Variants in KHDRBS3 observed in about 807,000 individuals in gnomAD.
KHDRBS3 encodes KH RNA binding domain containing, signal transduction associated 3.
In KHDRBS3, 23 loss-of-function variants were observed where a neutral mutation model predicts 45.6. The ratio of observed to expected loss-of-function variants is 0.50; its 90% CI spans 0.36 to 0.72. The LOEUF (loss-of-function observed/expected upper bound fraction) is 0.72. Ranked by LOEUF, KHDRBS3 falls within the 30% of genes least tolerant of loss-of-function variation. The pLI is 0.00. For synonymous variants in KHDRBS3, 162 were observed against 156.5 expected, an observed-to-expected ratio of 1.04 and a Z score of -0.26; for missense variants, 352 against 424.8, an observed-to-expected ratio of 0.83 and a Z score of 1.51.
intron 3 of KHDRBS3, among the ~76,000 whole-genome samples, chr8:135,545,770 C>A (rs1826271608): frequency 6.6e-6 from 1 of 152,126 alleles, no homozygotes; most frequent in African/African-American, 2.4e-5. Flanking sequence ...GTCACATGAT[C>A]CATCAGTCAT....
chr8:135,600,181 T>G (rs1173362984), intron 6 of KHDRBS3, among the ~76,000 whole-genome samples: 4 of 152,234 alleles, frequency 2.6e-5, no homozygotes, highest in Admixed American at 2.6e-4. Context: ...TGGTTAATCT[T>G]CCCCTATTGT....
At chr8:135,646,572 C>T (rs911218724) in intron 8 of KHDRBS3, among the ~76,000 whole-genome samples, 1 of 152,114 alleles carries the variant, frequency 6.6e-6, no homozygotes, top group Non-Finnish European at 1.5e-5. Flanking sequence ...CAGATGTTTA[C>T]CTATGTTTTT....
intron 3 of KHDRBS3, among the ~76,000 whole-genome samples, chr8:135,547,463 T>C (rs1210578866): frequency 6.6e-6 from 1 of 152,198 alleles, no homozygotes; most frequent in African/African-American, 2.4e-5. Context: ...AGTATTGGAT[T>C]ACATACAGTC....
intron 7 of KHDRBS3, chr8:135,625,119 G>C (rs1381374860): frequency 1.1e-6 from 1 of 916,820 alleles, no homozygotes; most frequent in East Asian, 2.5e-5. Context: ...ATAAAAGGGA[G>C]TATTTTACAG....
intron 5 of KHDRBS3, among the ~76,000 whole-genome samples, chr8:135,561,991 G>C (rs2130851100): frequency 6.6e-6 from 1 of 152,058 alleles, no homozygotes; most frequent in African/African-American, 2.4e-5. Context: ...AAAAAAAAAA[G>C]TTAAAAGTTG....
chr8:135,618,184 T>G (rs1829994856), intron 7 of KHDRBS3, among the ~76,000 whole-genome samples: 1 of 152,228 alleles, frequency 6.6e-6, no homozygotes, highest in African/African-American at 2.4e-5. Flanking sequence ...AGCCAATATT[T>G]TTGCAATAAG....
chr8:135,498,679 G>A (rs1304672895), intron 1 of KHDRBS3, among the ~76,000 whole-genome samples: 1 of 152,084 alleles, frequency 6.6e-6, no homozygotes, highest in Non-Finnish European at 1.5e-5. Flanking sequence ...ATGGTTTCAA[G>A]TAATGGTGAA....
In KHDRBS3 at chr8:135,580,852, A is replaced by G. The variant is rs575919671; in HGVS notation, c.612-1026A>G. On this transcript the variant is annotated intron_variant, in intron 5 of 8. Transcript: ENST00000355849. ...GGTCTTGAACTCTTGGCCTCAGGTG[A>G]TCCACCTGCCTTGGCCTCCCAAAGT... is the stretch of plus-strand genomic sequence containing the variant. 2.8e-3 allele frequency among the ~76,000 whole-genome samples: 423 copies of G among 152,142 alleles called. 2 individuals carry two copies. The highest frequency in any genetic ancestry group is 0.017 in the Middle Eastern group (5 of 294).
At chr8:135,491,406 CA>C (rs111902256) in intron 1 of KHDRBS3, among the ~76,000 whole-genome samples, 23 of 148,278 alleles carry the variant, frequency 1.6e-4, no homozygotes, top group African/African-American at 4.0e-4. Flanking sequence ...GCCCCCACAC[CA>C]AAAAAAAGGA....
chr8:135,557,527 C>T lies in KHDRBS3; in HGVS notation c.551C>T (p.Pro184Leu), dbSNP rs757336007. The T allele has an allele frequency of 8.7e-6, 14 of 1,610,652 alleles. No individual in the cohort carries two copies. Among genetic ancestry groups the T allele is most frequent in the Admixed American group, 1.7e-5 (1 of 59,978 alleles). ...LNGGSENADV[P>L]VVRGKPTLRT... ...GGTGGTTCAGAAAATGCAGATGTTC[C>T]AGTGGTTCGAGGGAAACCCACCTTG... The change falls in exon 5 of 9, where the codon CCA becomes CTA. Residue 184 changes from proline (P) to leucine (L), a missense_variant. Around this residue, in one of 6 missense-constraint regions of KHDRBS3, gnomAD observed 212 missense variants for 209.6 expected, o/e 1.01. Transcript: ENST00000355849.
intron 2 of KHDRBS3, among the ~76,000 whole-genome samples, chr8:135,536,965 T>C (rs1825794834): frequency 5.6e-5 from 1 of 17,930 alleles, no homozygotes; most frequent in African/African-American, 2.9e-4. Context: ...AAACTCCATC[T>C]CAAAAAAAAA....
chr8:135,617,230 C>CTTTTA lies in KHDRBS3; in HGVS notation c.890+10253_890+10257dup, dbSNP rs201401672. ...AAGCATTTTATGGCCTTTTTAGCTA[C>CTTTTA]TTTTATTTTATTTTATTTTATTTTA... is the stretch of plus-strand genomic sequence containing the variant. On this transcript the variant is annotated intron_variant, in intron 7 of 8. Coordinates refer to ENST00000355849, the MANE Select transcript of KHDRBS3 (RefSeq NM_006558.3). Among the ~76,000 whole-genome samples, 228 of 132,746 alleles carry CTTTTA rather than the reference C, an allele frequency of 1.7e-3. 1 individual carries two copies. The highest frequency in any genetic ancestry group is 7.4e-3 in the Middle Eastern group (2 of 272). The allele number at this position is 132,746 out of a possible 152,430, so 87.1% of individuals were successfully genotyped here.
chr8:135,646,144 C>T (rs1204485367), intron 8 of KHDRBS3, among the ~76,000 whole-genome samples: 1 of 151,660 alleles, frequency 6.6e-6, no homozygotes, highest in African/African-American at 2.4e-5. Context: ...AAGAAGAGGT[C>T]ATTTTAAGCA....
intron 5 of KHDRBS3, among the ~76,000 whole-genome samples, chr8:135,572,021 CCCT>C (rs565764745): frequency 5.3e-5 from 8 of 152,116 alleles, no homozygotes; most frequent in Non-Finnish European, 8.8e-5. Flanking sequence ...CTTGATCAGC[CCCT>C]CAACAGAGGA....
At chr8:135,635,475 C>G (rs1189679830) in intron 7 of KHDRBS3, among the ~76,000 whole-genome samples, 2 of 152,178 alleles carry the variant, frequency 1.3e-5, no homozygotes, top group East Asian at 3.9e-4. Flanking sequence ...ACTCTGCTTC[C>G]CAGGTTCAAG....
intron 5 of KHDRBS3, among the ~76,000 whole-genome samples, chr8:135,563,175 A>T (rs930239886): frequency 2.0e-5 from 3 of 152,106 alleles, no homozygotes; most frequent in African/African-American, 7.2e-5. Flanking sequence ...ACACTTCCTC[A>T]TATGCACTTA....
chr8:135,457,783 G>C lies in KHDRBS3; in HGVS notation c.-84G>C. The C allele has an allele frequency of 1.4e-6, 1 of 732,826 alleles. No homozygotes were observed. The highest frequency in any genetic ancestry group is 1.9e-6 in the Non-Finnish European group (1 of 534,814). The allele number at this position is 732,826 out of a possible 1,614,324, so 45.4% of individuals were successfully genotyped here. A position where few individuals can be genotyped will look rare whatever the true frequency, so the allele number is the denominator to read the frequency against. On this transcript the variant is annotated 5_prime_UTR_variant, in exon 1 of 9. Coordinates refer to ENST00000355849, the MANE Select transcript of KHDRBS3 (RefSeq NM_006558.3). This position sits in a 1 kb window ranked among gnomAD's most constrained non-coding sequence, Gnocchi z 4.4. Reference sequence around the variant, plus strand: ...GTCTGGCCCCCGGGTCCCCGCCGCTGGGGGCGCGGGCGGGGTCGGGGGTTG... The same window carrying C: ...GTCTGGCCCCCGGGTCCCCGCCGCTCGGGGCGCGGGCGGGGTCGGGGGTTG...
intron 7 of KHDRBS3, among the ~76,000 whole-genome samples, chr8:135,627,190 C>T (rs906158635): frequency 1.1e-4 from 16 of 152,178 alleles, no homozygotes; most frequent in South Asian, 2.1e-4. Context: ...CACGTGACAG[C>T]TTTCTGTAGT....
chr8:135,600,074 A>G (rs1423672085), intron 6 of KHDRBS3, among the ~76,000 whole-genome samples: 2 of 151,176 alleles, frequency 1.3e-5, no homozygotes, highest in Non-Finnish European at 2.9e-5. Context: ...CTCTCACAGC[A>G]CCAGGCAGCA....
Sources: gnomAD v4.1 joint callset for allele counts (sites outside exome capture counted in the v4.1 genomes callset) on GRCh38, gnomAD v4.1.1 for gene constraint, gnomAD v4.1.1 regional missense constraint, Gnocchi (gnomAD v3.1) non-coding constraint, MANE v1.5 for transcripts, NCBI Gene and HGNC (gene_info 2026-07-23, HGNC 2026-07-21) for gene names.